The following OR2B11 variants were observed in gnomAD, a reference collection of about 807,000 sequenced individuals.
OR2B11 encodes olfactory receptor family 2 subfamily B member 11.
For synonymous variants in OR2B11, 198 were observed against 174.5 expected (o/e 1.13, Z -1.06); for missense variants, 422 against 400.0 (o/e 1.05, Z -0.47).
rs149924080 is a variant in OR2B11, at chr1:247,451,270, C to T, written c.713G>A (p.Arg238Gln). Residue 238 changes from arginine to glutamine, a missense_variant, in exon 2 of 2, where the codon CGA becomes CAA. Arg to Gln is a conservative substitution (Grantham distance 43). Coordinates refer to ENST00000641149, the MANE Select transcript of OR2B11 (RefSeq NM_001004492.2). ...AVLRIQSSKG[R>Q]HKAFGTCSSH... ...GGAACACGTCCCAAAGGCCTTGTGT[C>T]GTCCCTTGGAGGACTGGATCCTGAG... is the stretch of plus-strand genomic sequence containing the variant. The T allele has an allele frequency of 3.3e-5, 54 of 1,613,546 alleles. No homozygotes were observed. Among genetic ancestry groups the T allele is most frequent in the East Asian group, 1.3e-4 (6 of 44,862 alleles).
Position 247,454,207 on chromosome 1 carries a change from G to A in OR2B11, c.-2225C>T, listed in dbSNP as rs67745645. On this transcript the variant is annotated 5_prime_UTR_variant, in exon 2 of 2. Coordinates refer to ENST00000641149, the MANE Select transcript of OR2B11 (RefSeq NM_001004492.2). The stretch of plus-strand genomic sequence containing the variant: ...CACACACACACACACACACACACAC[G>A]CACACACACACGGTTTCTCAATGGC... The A allele has an allele frequency of 0.08, 12,050 of 151,356 alleles. 585 individuals are homozygous for A. The highest frequency in any genetic ancestry group is 0.14 in the Middle Eastern group (41 of 290). The allele number at this position is 151,356 out of a possible 1,614,324, so 9.4% of individuals were successfully genotyped here.
At position 247,451,737 on chromosome 1, in the gene OR2B11, G is replaced by A. The variant is rs1352598845; in HGVS notation, c.246C>T (p.Val82=). 5 of 1,614,086 alleles carry A rather than the reference G, an allele frequency of 3.1e-6. No individual in the cohort carries two copies. The African/African-American group carries it at 4.0e-5, about 13-fold the overall frequency. Residue 82 remains valine, a synonymous_variant, in exon 2 of 2, where the codon GTC becomes GTT. Transcript: ENST00000641149. ...TGCCCATGTTGACCAGCATCTGAGG[G>A]ACTGTCGTGGTGGTGTAGCAGAGGT... The part of the protein sequence containing the change: ...FLDLCYTTTT[V]PQMLVNMGSS...
chr1:247,450,940 T>C lies in OR2B11; in HGVS notation c.*89A>G. On this transcript the variant is annotated 3_prime_UTR_variant, in exon 2 of 2. Transcript: ENST00000641149. Reference sequence around the variant, plus strand: ...ACAGGGTTTTTGAGCTCTCTGGGTATTAACTCCTTAAGTGAAAGATGCTCT... The same window carrying C: ...ACAGGGTTTTTGAGCTCTCTGGGTACTAACTCCTTAAGTGAAAGATGCTCT... The C allele has an allele frequency of 1.3e-6, 1 of 742,450 alleles. No individual in the cohort carries two copies. The highest frequency in any genetic ancestry group is 2.0e-6 in the Non-Finnish European group (1 of 489,770). The allele number at this position is 742,450 out of a possible 1,614,324, so 46.0% of individuals were successfully genotyped here.
chr1:247,458,100 T>G lies in OR2B11; in HGVS notation c.-3544A>C, dbSNP rs1664998478. The G allele has an allele frequency of 6.6e-6, 1 of 152,200 alleles. No homozygotes were observed. Among genetic ancestry groups the G allele is most frequent in the Non-Finnish European group, 1.5e-5 (1 of 68,058 alleles). The allele number at this position is 152,200 out of a possible 1,614,324, so 9.4% of individuals were successfully genotyped here. On this transcript the variant is annotated 5_prime_UTR_variant, in exon 1 of 2. It removes an upstream start codon present in the reference 5' UTR. Transcript: ENST00000641149. ...ATCCCTCAGATTTAACTTGACCTCA[T>G]TCTCTCCACTGTTTTCTATAAGGGC...
chr1:247,456,849 T>A lies in OR2B11; in HGVS notation c.-3083+790A>T, dbSNP rs183562200. 3.2e-4 allele frequency among the ~76,000 whole-genome samples: 48 copies of A among 152,290 alleles called. No homozygotes were observed. The East Asian group carries it at 5.8e-3, about 18-fold the overall frequency. ...TGTTCAAGTCCCACTAATGAGAACATGAACATGTCTTACATATTATGTCAT... is the reference window on the plus strand; with the variant it reads ...TGTTCAAGTCCCACTAATGAGAACAAGAACATGTCTTACATATTATGTCAT... On this transcript the variant is annotated intron_variant, in intron 1 of 1. Coordinates refer to ENST00000641149, the MANE Select transcript of OR2B11 (RefSeq NM_001004492.2).
In OR2B11 at chr1:247,451,705, T is replaced by G. The variant is rs200124656; in HGVS notation, c.278A>C (p.Gln93Pro). ...PQMLVNMGSSQKTISYGGCTV... is the reference protein window; with the variant it reads ...PQMLVNMGSSPKTISYGGCTV... ...GCAGCCTCCATAGCTGATGGTCTTC[T>G]GGGAACTGCCCATGTTGACCAGCAT... Residue 93 changes from glutamine (Q) to proline (P), a missense_variant, in exon 2 of 2, where the codon CAG becomes CCG. Gln to Pro is a moderately conservative substitution (Grantham distance 76). Transcript: ENST00000641149. The G allele has an allele frequency of 6.2e-7, 1 of 1,614,142 alleles. No homozygotes were observed. Among genetic ancestry groups the G allele is most frequent in the Non-Finnish European group, 8.5e-7 (1 of 1,179,990 alleles).
At position 247,451,407 on chromosome 1, in the gene OR2B11, C is replaced by T. The variant is rs367979713; in HGVS notation, c.576G>A (p.Ser192=). The part of the protein sequence containing the change: ...FCEVPAVIKL[S]CADTAVNDTI... ...TGTCATTCACAGCGGTGTCAGCACA[C>T]GACAGCTTGATCACGGCCGGCACCT... Residue 192 remains serine (S), a synonymous_variant, in exon 2 of 2, where the codon TCG becomes TCA. Coordinates refer to ENST00000641149, the MANE Select transcript of OR2B11 (RefSeq NM_001004492.2). The T allele has an allele frequency of 6.9e-5, 111 of 1,614,020 alleles. No homozygotes were observed. The highest frequency in any genetic ancestry group is 1.1e-4 in the East Asian group (5 of 44,874).
At chr1:247,457,052 C>A (rs1373744330) in intron 1 of OR2B11, among the ~76,000 whole-genome samples, 1 of 152,114 alleles carries the variant, frequency 6.6e-6, no homozygotes, top group African/African-American at 2.4e-5. Flanking sequence ...AGCTGGGACC[C>A]AGCAGTGATG....
chr1:247,452,228 A>G lies in OR2B11; in HGVS notation c.-246T>C. ...AGTGGCCGCAACTAAACCATTTAAT[A>G]TTCCTGAACTTCTGCATCTGTAAAA... On this transcript the variant is annotated 5_prime_UTR_variant, in exon 2 of 2. Transcript: ENST00000641149. 1 of 468,328 alleles carries G rather than the reference A, an allele frequency of 2.1e-6. No individual in the cohort carries two copies. Among genetic ancestry groups the G allele is most frequent in the South Asian group, 3.5e-5 (1 of 28,684 alleles). 29.0% of individuals were successfully genotyped at this position (468,328 alleles called of 1,614,324 possible).
At position 247,451,641 on chromosome 1, in the gene OR2B11, C is replaced by T. The variant is rs751779555; in HGVS notation, c.342G>A (p.Thr114=). Residue 114 remains threonine (T), a synonymous_variant, in exon 2 of 2, where the codon ACG becomes ACA. Transcript: ENST00000641149. ...QYAVFHWLGC[T]ECIVLAAMAL... is the part of the protein sequence containing the mutation. Reference sequence around the variant, plus strand: ...CCATGGCGGCCAGGACGATGCACTCCGTGCATCCCAGCCAGTGGAAGACTG... The same window carrying T: ...CCATGGCGGCCAGGACGATGCACTCTGTGCATCCCAGCCAGTGGAAGACTG... 1.2e-5 allele frequency: 20 copies of T among 1,613,902 alleles called. No individual in the cohort carries two copies. The highest frequency in any genetic ancestry group is 1.5e-5 in the Non-Finnish European group (18 of 1,179,810).
In OR2B11 at chr1:247,458,076, TC is replaced by T. The variant is rs1664998157; in HGVS notation, c.-3521del. ...ACGCTCTCTGTTCATTTCAAAATTA[TC>T]CCTCAGATTTAACTTGACCTCATTC... is the stretch of plus-strand genomic sequence containing the variant. On this transcript the variant is annotated 5_prime_UTR_variant, in exon 1 of 2. Transcript: ENST00000641149. The T allele has an allele frequency of 6.6e-6, 1 of 152,198 alleles. No homozygotes were observed. Among genetic ancestry groups the T allele is most frequent in the Non-Finnish European group, 1.5e-5 (1 of 68,058 alleles). The allele number at this position is 152,198 out of a possible 1,614,324, so 9.4% of individuals were successfully genotyped here. A position where few individuals can be genotyped will look rare whatever the true frequency, so the allele number is the denominator to read the frequency against.
chr1:247,452,828 C>T lies in OR2B11; in HGVS notation c.-846G>A, dbSNP rs1419772398. 6.6e-6 allele frequency: 1 copy of T among 152,256 alleles called. No individual in the cohort carries two copies. The highest frequency in any genetic ancestry group is 1.9e-4 in the East Asian group (1 of 5,192). The allele number at this position is 152,256 out of a possible 1,614,324, so 9.4% of individuals were successfully genotyped here. ...CCCCTGGAATTGTCTACGGAAAGATCAGACTGCCCTCTAGGGCTAGGTTTT... is the reference window on the plus strand; with the variant it reads ...CCCCTGGAATTGTCTACGGAAAGATTAGACTGCCCTCTAGGGCTAGGTTTT... On this transcript the variant is annotated 5_prime_UTR_variant, in exon 2 of 2. Transcript: ENST00000641149.
rs1293888459 is a variant in OR2B11, at chr1:247,454,943, C to G, written c.-2961G>C. 1.3e-5 allele frequency: 2 copies of G among 152,194 alleles called. No homozygotes were observed. The highest frequency in any genetic ancestry group is 1.9e-4 in the East Asian group (1 of 5,190). 9.4% of individuals were successfully genotyped at this position (152,194 alleles called of 1,614,324 possible). A position where few individuals can be genotyped will look rare whatever the true frequency, so the allele number is the denominator to read the frequency against. Reference sequence around the variant, plus strand: ...ACCAAAAACGTAAGAACCCGTCGCTCAAGAGTTACCTGCTGATTGTATCAT... The same window carrying G: ...ACCAAAAACGTAAGAACCCGTCGCTGAAGAGTTACCTGCTGATTGTATCAT... On this transcript the variant is annotated 5_prime_UTR_variant, in exon 2 of 2. It removes the in-frame stop codon of an upstream open reading frame in the 5' UTR. Transcript: ENST00000641149.
chr1:247,451,909 G>T lies in OR2B11; in HGVS notation c.74C>A (p.Pro25Gln), dbSNP rs369166364. ...AFILLGVSDR[P>Q]WLELPLFVVL... ...CACAAAGAGAGGGAGTTCCAGCCAC[G>T]GCCTGTCAGACACACCCAGAAGGAT... The change falls in exon 2 of 2, where the codon CCG becomes CAG. Residue 25 changes from proline to glutamine, a missense_variant. Pro to Gln is a moderately conservative substitution (Grantham distance 76). Coordinates refer to ENST00000641149, the MANE Select transcript of OR2B11 (RefSeq NM_001004492.2). The T allele has an allele frequency of 1.9e-6, 3 of 1,614,008 alleles. No homozygotes were observed. Among genetic ancestry groups the T allele is most frequent in the Non-Finnish European group, 2.5e-6 (3 of 1,179,998 alleles).
rs1258034886 is a variant in OR2B11, at chr1:247,457,864, AG to A, written c.-3309del. The A allele has an allele frequency of 3.3e-5, 5 of 152,252 alleles. No individual in the cohort carries two copies. Among genetic ancestry groups the A allele is most frequent in the Non-Finnish European group, 5.9e-5 (4 of 68,080 alleles). 9.4% of individuals were successfully genotyped at this position (152,252 alleles called of 1,614,324 possible). ...TCTGAGAGATTATTCTCAGTCTAGA[AG>A]GAGTCTGCTGTCCGTTGCAACAGGC... On this transcript the variant is annotated 5_prime_UTR_variant, in exon 1 of 2. Coordinates refer to ENST00000641149, the MANE Select transcript of OR2B11 (RefSeq NM_001004492.2).
chr1:247,455,942 TATTGCCA>T (rs1177077173), intron 1 of OR2B11, among the ~76,000 whole-genome samples: 1 of 152,236 alleles, frequency 6.6e-6, no homozygotes, highest in Non-Finnish European at 1.5e-5. Context: ...TGAATATGCC[TATTGCCA>T]CAGTGGATCT....
In OR2B11 at chr1:247,449,656, C is replaced by T. The variant is rs948109576; in HGVS notation, c.*1373G>A. 4.0e-5 allele frequency: 6 copies of T among 151,686 alleles called. No homozygotes were observed. Among genetic ancestry groups the T allele is most frequent in the Non-Finnish European group, 8.8e-5 (6 of 68,020 alleles). The allele number at this position is 151,686 out of a possible 1,614,324, so 9.4% of individuals were successfully genotyped here. A position where few individuals can be genotyped will look rare whatever the true frequency, so the allele number is the denominator to read the frequency against. The stretch of plus-strand genomic sequence containing the variant: ...TAAACATACCTTTTAGATGAGCTGA[C>T]ATTTAAAAAAAACCCTGAAGACTAT... On this transcript the variant is annotated 3_prime_UTR_variant, in exon 2 of 2. Coordinates refer to ENST00000641149, the MANE Select transcript of OR2B11 (RefSeq NM_001004492.2).
rs1185582761 is a variant in OR2B11, at chr1:247,455,070, G to A, written c.-3082-6C>T. 1 of 152,040 alleles carries A rather than the reference G, an allele frequency of 6.6e-6. No individual in the cohort carries two copies. The highest frequency in any genetic ancestry group is 1.5e-5 in the Non-Finnish European group (1 of 68,008). The allele number at this position is 152,040 out of a possible 1,614,324, so 9.4% of individuals were successfully genotyped here. On this transcript the variant is annotated splice_polypyrimidine_tract_variant and splice_region_variant and intron_variant, in intron 1 of 1. Transcript: ENST00000641149. ...CCTTAGATATATATCATTCCCTGTA[G>A]GATATATAATCCTTATGATTAATAT...
rs528908912 is a variant in OR2B11, at chr1:247,452,159, G to A, written c.-177C>T. The A allele has an allele frequency of 1.1e-4, 63 of 587,280 alleles. 1 individual carries two copies. The African/African-American group carries it at 1.1e-3, about 10-fold the overall frequency. 36.4% of individuals were successfully genotyped at this position (587,280 alleles called of 1,614,324 possible). ...TGGGATGCGGAAGGGTCAGAACCAG[G>A]AGCCCCAGTAGCAGCCTCTGTGTCT... On this transcript the variant is annotated 5_prime_UTR_variant, in exon 2 of 2. Coordinates refer to ENST00000641149, the MANE Select transcript of OR2B11 (RefSeq NM_001004492.2).
Sources: allele counts gnomAD v4.1 joint callset (sites outside exome capture counted in the v4.1 genomes callset), GRCh38; gene constraint gnomAD v4.1.1; transcripts MANE v1.5; gene names NCBI Gene and HGNC (gene_info 2026-07-23, HGNC 2026-07-21).